TEAD3: variants seen among roughly 807,000 people sequenced by gnomAD.
TEAD3 encodes transcriptional enhancer factor TEF-5.
A neutral mutation model predicts 55.6 loss-of-function variants in TEAD3; 15 were observed. The ratio of observed to expected loss-of-function variants is 0.27; its 90% CI spans 0.18 to 0.42. TEAD3 has a LOEUF of 0.42. Ranked by LOEUF, TEAD3 falls within the 10% of genes least tolerant of loss-of-function variation. The pLI is 1.00. For synonymous variants in TEAD3, 210 were observed against 232.2 expected (o/e 0.90, Z 0.87); for missense variants, 407 against 576.8 (o/e 0.71, Z 3.01).
At chr6:35,474,736 G>A, downstream of TEAD3, 1 of 319,974 alleles carries the variant, frequency 3.1e-6, no homozygotes. Context: ...CATGCTGGAG[G>A]CTGAAGGTGT....
chr6:35,486,489 G>T lies in TEAD3; in HGVS notation c.174C>A (p.Ile58=). Reference sequence around the variant, plus strand: ...ACATCTTGCCCTCGTCTGACAGGATGATCTTCCGCCGGCCGCAGGGCGGGT... The same window carrying T: ...ACATCTTGCCCTCGTCTGACAGGATTATCTTCCGCCGGCCGCAGGGCGGGT... The change falls in exon 2 of 13, where the codon ATC becomes ATA. Residue 58 remains isoleucine, a synonymous_variant. Transcript: ENST00000639578. This position sits in a 1 kb window ranked among gnomAD's most constrained non-coding sequence, Gnocchi z 7.3. 1.2e-6 allele frequency: 2 copies of T among 1,613,330 alleles called. No individual in the cohort carries two copies. The highest frequency in any genetic ancestry group is 1.1e-5 in the South Asian group (1 of 91,072).
At chr6:35,476,122 G>T (rs2150910510) in intron 9 of TEAD3, 30 bp from the exon 10 acceptor site, 5 of 1,544,828 alleles carry the variant, frequency 3.2e-6, no homozygotes, top group Non-Finnish European at 4.4e-6. Flanking sequence ...AGGGTCAGGA[G>T]AGTACTCAGG....
downstream of TEAD3, chr6:35,474,621 A>C (rs547076623): frequency 9.5e-4 from 169 of 177,342 alleles, no homozygotes; most frequent in Non-Finnish European, 1.4e-3. Flanking sequence ...TCCAACCCCA[A>C]CCGGACACTC....
Position 35,496,712 on chromosome 6 carries a change from GCTTCCCGGAGAGATTTTCCCC to G in TEAD3, c.-50+165_-50+185del, listed in dbSNP as rs1180526144. On this transcript the variant is annotated intron_variant, in intron 1 of 12. Transcript: ENST00000639578. The surrounding 1 kb of genome is among the most constrained non-coding windows in gnomAD (Gnocchi z 4.8). The stretch of plus-strand genomic sequence containing the variant: ...GGGGGTGGGGAGGGCGGGGGGCGGG[GCTTCCCGGAGAGATTTTCCCC>G]CTTCCCTCTAAACTTCCCGGCACCC... Among the ~76,000 whole-genome samples the G allele has an allele frequency of 6.6e-6, 1 of 152,068 alleles. No homozygotes were observed. The highest frequency in any genetic ancestry group is 1.5e-5 in the Non-Finnish European group (1 of 67,964).
chr6:35,477,552 A>T (rs1768176596), intron 7 of TEAD3, among the ~76,000 whole-genome samples, 180 bp from the exon 8 acceptor site: 1 of 151,926 alleles, frequency 6.6e-6, no homozygotes, highest in Non-Finnish European at 1.5e-5. Context: ...CTTTTGTGAA[A>T]TCCTGCTGCG....
rs1768391338 is a variant in TEAD3 at position 35,486,732 on chromosome 6, A to T, written c.-49-21T>A. Reference sequence around the variant, plus strand: ...TGAGCCTGGGGGACAGACAGACAGGAACTGGGACCAGGGTCCTCCTCGACC... The same window carrying T: ...TGAGCCTGGGGGACAGACAGACAGGTACTGGGACCAGGGTCCTCCTCGACC... On this transcript the variant is annotated intron_variant, in intron 1 of 12. Coordinates refer to ENST00000639578, the Ensembl canonical transcript of TEAD3. This position sits in a 1 kb window ranked among gnomAD's most constrained non-coding sequence, Gnocchi z 7.3. 2 of 1,533,828 alleles carry T rather than the reference A, an allele frequency of 1.3e-6. No homozygotes were observed.
chr6:35,477,584 T>G (rs149920805), intron 7 of TEAD3, among the ~76,000 whole-genome samples: 7 of 151,324 alleles, frequency 4.6e-5, no homozygotes, highest in Non-Finnish European at 1.0e-4. Context: ...ATCTGCCCAT[T>G]TAGTGTAGGA....
Position 35,475,020 on chromosome 6 carries a change from C to T in TEAD3, c.*24G>A. On this transcript the variant is annotated 3_prime_UTR_variant, in exon 13 of 13. Coordinates refer to ENST00000639578, the Ensembl canonical transcript of TEAD3. This position sits in a 1 kb window ranked among gnomAD's most constrained non-coding sequence, Gnocchi z 5.4. ...TGGAGAGGAGATGCTCACCCTGCAT[C>T]CTTAAGGAGGCGCAGAGGGCACCCT... 6.6e-7 allele frequency: 1 copy of T among 1,523,670 alleles called. No individual in the cohort carries two copies. Among genetic ancestry groups the T allele is most frequent in the Non-Finnish European group, 8.8e-7 (1 of 1,131,094 alleles). 94.4% of individuals were successfully genotyped at this position (1,523,670 alleles called of 1,614,324 possible).
At position 35,475,282 on chromosome 6, in the gene TEAD3, C is replaced by T; in HGVS notation, c.1194+54G>A. On this transcript the variant is annotated intron_variant, in intron 12 of 12. Coordinates refer to ENST00000639578, the Ensembl canonical transcript of TEAD3. The surrounding 1 kb of genome is among the most constrained non-coding windows in gnomAD (Gnocchi z 5.4). The stretch of plus-strand genomic sequence containing the variant: ...CAGCCAAGCGATGTGTCTGGCTACC[C>T]AACTTGGAGGCCCTGGCCTGTGGGA... 1 of 1,607,388 alleles carries T rather than the reference C, an allele frequency of 6.2e-7. No homozygotes were observed. Among genetic ancestry groups the T allele is most frequent in the Non-Finnish European group, 8.5e-7 (1 of 1,175,872 alleles).
chr6:35,474,943 G>A (rs1768110256), exon 13 of TEAD3: 1 of 1,010,322 alleles, frequency 9.9e-7, no homozygotes. Context: ...CTGAGGCCTG[G>A]CAGGTAGATG....
At chr6:35,478,210 G>T in intron 7 of TEAD3, 65 bp downstream of exon 7, 1 of 1,595,912 alleles carries the variant, frequency 6.3e-7, no homozygotes, top group East Asian at 2.2e-5. Flanking sequence ...GAGCCCAAAT[G>T]GGAGGGAAGC....
At chr6:35,482,491 G>A (rs1404994598) in intron 3 of TEAD3, among the ~76,000 whole-genome samples, 1 of 152,138 alleles carries the variant, frequency 6.6e-6, no homozygotes, top group Admixed American at 6.5e-5. Flanking sequence ...TCAACAGCTG[G>A]TTTGTAAAAG....
chr6:35,479,374 C>G, intron 4 of TEAD3, 58 bp from the exon 5 acceptor site: 1 of 1,607,680 alleles, frequency 6.2e-7, no homozygotes. Context: ...GGGCTGTGGG[C>G]TGAGGGACGT....
chr6:35,478,910 C>G (rs943487531), intron 5 of TEAD3, among the ~76,000 whole-genome samples: 16 of 138,808 alleles, frequency 1.2e-4, no homozygotes, highest in Non-Finnish European at 2.1e-4. Flanking sequence ...GACGGAGTCT[C>G]GCTCTGTCAC....
chr6:35,478,034 T>TGA (rs397967489), intron 7 of TEAD3, among the ~76,000 whole-genome samples: 3 of 150,830 alleles, frequency 2.0e-5, no homozygotes, highest in Non-Finnish European at 4.4e-5. Context: ...TTTTTTTTTT[T>TGA]GAGAGAGCAA....
In TEAD3 at chr6:35,488,948, G is replaced by A. The variant is rs1005696920; in HGVS notation, c.-49-2237C>T. Among the ~76,000 whole-genome samples the A allele has an allele frequency of 9.9e-5, 15 of 152,120 alleles. No homozygotes were observed. The highest frequency in any genetic ancestry group is 3.4e-4 in the African/African-American group (14 of 41,430). On this transcript the variant is annotated intron_variant, in intron 1 of 12. Transcript: ENST00000639578. The surrounding 1 kb of genome is among the most constrained non-coding windows in gnomAD (Gnocchi z 4.2). ...AATTTTTTGTATTTTTAGTAAAGAC[G>A]GGGTTTCACCATGTTGGCCAGGCTG... is the stretch of plus-strand genomic sequence containing the variant.
rs1478160589 is a variant in TEAD3, at chr6:35,491,340, A to G, written c.-49-4629T>C. ...GCAACCAACAAAGACCTAGAAAGAG[A>G]CACACAGCAGAGAGGGGTAGACCAG... On this transcript the variant is annotated intron_variant, in intron 1 of 12. Coordinates refer to ENST00000639578, the Ensembl canonical transcript of TEAD3. The surrounding 1 kb of genome is among the most constrained non-coding windows in gnomAD (Gnocchi z 4.4). Among the ~76,000 whole-genome samples, 2 of 151,764 alleles carry G rather than the reference A, an allele frequency of 1.3e-5. No homozygotes were observed. Among genetic ancestry groups the G allele is most frequent in the African/African-American group, 4.8e-5 (2 of 41,274 alleles).
chr6:35,474,101 T>C (rs1004157706), downstream of TEAD3: 3 of 152,142 alleles, frequency 2.0e-5, no homozygotes, highest in Admixed American at 6.5e-5. Context: ...TCAAAAGCCT[T>C]CTGCTACTCT....
rs760453689 is a variant in TEAD3 at position 35,475,492 on chromosome 6, C to T, written c.1042-4G>A. 1.9e-6 allele frequency: 3 copies of T among 1,611,334 alleles called. No individual in the cohort carries two copies. Among genetic ancestry groups the T allele is most frequent in the Non-Finnish European group, 2.5e-6 (3 of 1,177,886 alleles). ...TCTCCAGCCTGGCATACTCAGTCTG[C>T]AGAGAATATGGAGAAGGCGTCACTC... On this transcript the variant is annotated splice_polypyrimidine_tract_variant and splice_region_variant and intron_variant, in intron 11 of 12. Coordinates refer to ENST00000639578, the Ensembl canonical transcript of TEAD3. This position sits in a 1 kb window ranked among gnomAD's most constrained non-coding sequence, Gnocchi z 5.4.
Sources: allele counts gnomAD v4.1 joint callset (sites outside exome capture counted in the v4.1 genomes callset), GRCh38; gene constraint gnomAD v4.1.1; non-coding constraint Gnocchi (gnomAD v3.1); transcripts MANE v1.5; gene names NCBI Gene and HGNC (gene_info 2026-07-23, HGNC 2026-07-21).